The following DPYD variants were observed in gnomAD, a reference collection of about 807,000 sequenced individuals.
DPYD encodes the protein dihydropyrimidine dehydrogenase [NADP(+)].
In DPYD, 109 loss-of-function variants were observed where a neutral mutation model predicts 116.2. That is an observed-to-expected ratio of 0.94 (90% confidence interval 0.80 to 1.10). The LOEUF is 1.10. Ranked by LOEUF, DPYD falls within the 50% of genes least tolerant of loss-of-function variation. The pLI is 0.00. For missense variants in DPYD, 1,302 were observed against 1,254.5 expected (o/e 1.04, Z -0.57); for synonymous variants, 440 against 432.0 (o/e 1.02, Z -0.23).
chr1:97,888,141 T>C (rs1484507787), intron 1 of DPYD, among the ~76,000 whole-genome samples: 1 of 152,024 alleles, frequency 6.6e-6, no homozygotes, highest in Non-Finnish European at 1.5e-5. Flanking sequence ...AGAATATCCA[T>C]ATACAGATAT....
rs1443000929 is a variant in DPYD at position 97,078,366 on chromosome 1, A to G, written c.*610T>C. The G allele has an allele frequency of 5.8e-6, 1 of 170,952 alleles. No individual in the cohort carries two copies. The highest frequency in any genetic ancestry group is 2.4e-5 in the African/African-American group (1 of 41,560). 10.6% of individuals were successfully genotyped at this position (170,952 alleles called of 1,614,324 possible). On this transcript the variant is annotated 3_prime_UTR_variant, in exon 23 of 23. Transcript: ENST00000370192. ...AAATATTCTCCCTATCCTCTATCCA[A>G]CACCAAAAATAAGCAATTTCAGCGA...
chr1:97,338,025 T>G (rs1669389936), intron 16 of DPYD, among the ~76,000 whole-genome samples: 1 of 152,190 alleles, frequency 6.6e-6, no homozygotes, highest in South Asian at 2.1e-4. Context: ...CTAAATGTAG[T>G]GGTTCCTCCA....
intron 11 of DPYD, among the ~76,000 whole-genome samples, chr1:97,572,552 T>G (rs1453403461): frequency 1.3e-5 from 2 of 152,130 alleles, no homozygotes; most frequent in East Asian, 3.9e-4. Flanking sequence ...TTTTTGGTGA[T>G]GTACATAGTA....
chr1:97,894,612 T>C (rs1257733047), intron 1 of DPYD, among the ~76,000 whole-genome samples: 2 of 151,682 alleles, frequency 1.3e-5, no homozygotes, highest in Non-Finnish European at 3.0e-5. Context: ...CCAAATAATG[T>C]AACACTAGCT....
At chr1:97,877,221 GAA>G (rs1174834113) in intron 2 of DPYD, among the ~76,000 whole-genome samples, 3 of 151,924 alleles carry the variant, frequency 2.0e-5, no homozygotes, top group African/African-American at 7.2e-5. Flanking sequence ...GGGTTCTAAT[GAA>G]TGAAAATGAA....
At chr1:97,820,819 A>G (rs1021296214) in intron 3 of DPYD, among the ~76,000 whole-genome samples, 1 of 152,202 alleles carries the variant, frequency 6.6e-6, no homozygotes, top group African/African-American at 2.4e-5. Context: ...GCACTCCAAA[A>G]ATAATTTGTA....
chr1:97,300,892 A>G (rs868599852), intron 18 of DPYD, among the ~76,000 whole-genome samples: 1 of 152,042 alleles, frequency 6.6e-6, no homozygotes, highest in African/African-American at 2.4e-5. Flanking sequence ...AAGTTTTCTA[A>G]ATTATACACT....
At chr1:97,455,612 C>G (rs897530675) in intron 13 of DPYD, among the ~76,000 whole-genome samples, 1 of 151,844 alleles carries the variant, frequency 6.6e-6, no homozygotes, top group African/African-American at 2.4e-5. Flanking sequence ...CATTATAAAT[C>G]TAACATACTG....
At chr1:97,413,229 C>A (rs1335174370) in intron 14 of DPYD, among the ~76,000 whole-genome samples, 1 of 152,042 alleles carries the variant, frequency 6.6e-6, no homozygotes. Context: ...TTTCTTGAGA[C>A]CATGCTGCGT....
chr1:97,327,845 G>T (rs1172377561), intron 16 of DPYD, among the ~76,000 whole-genome samples: 1 of 151,984 alleles, frequency 6.6e-6, no homozygotes, highest in Non-Finnish European at 1.5e-5. Context: ...CTAATAGGTG[G>T]TGCTCATACA....
At position 97,820,872 on chromosome 1, in the gene DPYD, T is replaced by C. The variant is rs146447228; in HGVS notation, c.233+7242A>G. Among the ~76,000 whole-genome samples the C allele has an allele frequency of 4.0e-3, 605 of 152,340 alleles. 3 individuals carry two copies. Among genetic ancestry groups the C allele is most frequent in the African/African-American group, 0.014 (574 of 41,590 alleles). On this transcript the variant is annotated intron_variant, in intron 3 of 22. Transcript: ENST00000370192. The stretch of plus-strand genomic sequence containing the variant: ...TACTCATAAATCTATTAACAATCTA[T>C]ATTTTATGTGTATTAAGAAATACAC...
chr1:97,649,274 G>T (rs2100837779), intron 8 of DPYD, among the ~76,000 whole-genome samples: 1 of 152,068 alleles, frequency 6.6e-6, no homozygotes, highest in African/African-American at 2.4e-5. Flanking sequence ...GCTACATAAG[G>T]AGCTCTCAAG....
At chr1:97,514,908 G>T (rs1393783387) in intron 13 of DPYD, among the ~76,000 whole-genome samples, 1 of 151,774 alleles carries the variant, frequency 6.6e-6, no homozygotes. Context: ...TTTGCCTAAG[G>T]ATAAAGCTGA....
chr1:97,874,335 T>C (rs1262215944), intron 2 of DPYD, among the ~76,000 whole-genome samples: 1 of 151,976 alleles, frequency 6.6e-6, no homozygotes, highest in Non-Finnish European at 1.5e-5. Context: ...ATGCTTTGTG[T>C]ACATTAAACA....
chr1:97,226,195 T>G (rs1437727200), intron 19 of DPYD, among the ~76,000 whole-genome samples: 2 of 152,146 alleles, frequency 1.3e-5, no homozygotes, highest in Non-Finnish European at 2.9e-5. Context: ...ACATCTTTCT[T>G]AATAAAAACT....
chr1:97,249,760 A>C (rs964665822), intron 18 of DPYD, among the ~76,000 whole-genome samples: 2 of 152,238 alleles, frequency 1.3e-5, no homozygotes, highest in African/African-American at 4.8e-5. Context: ...AGATTACAAT[A>C]GACAAAATAC....
chr1:97,259,770 A>G (rs1490478870), intron 18 of DPYD, among the ~76,000 whole-genome samples: 9 of 152,120 alleles, frequency 5.9e-5, no homozygotes, highest in Admixed American at 4.6e-4. Flanking sequence ...CAAGAATTTC[A>G]TTTCTTGCTT....
At chr1:97,527,042 C>T (rs1649180149) in intron 12 of DPYD, among the ~76,000 whole-genome samples, 1 of 151,698 alleles carries the variant, frequency 6.6e-6, no homozygotes, top group Admixed American at 6.6e-5. Flanking sequence ...TGAAAGTTTA[C>T]ACAAACTACA....
chr1:97,116,131 A>T (rs942851922), intron 20 of DPYD, among the ~76,000 whole-genome samples: 7 of 152,198 alleles, frequency 4.6e-5, no homozygotes, highest in Non-Finnish European at 7.3e-5. Flanking sequence ...GAGGATATAC[A>T]TATGAGAATA....
Sources: allele counts gnomAD v4.1 joint callset (sites outside exome capture counted in the v4.1 genomes callset), GRCh38; gene constraint gnomAD v4.1.1; transcripts MANE v1.5; gene names NCBI Gene and HGNC (gene_info 2026-07-23, HGNC 2026-07-21).